The following TNKS variants were observed in gnomAD, a reference collection of about 807,000 sequenced individuals.
TNKS encodes the protein poly [ADP-ribose] polymerase tankyrase-1.
A neutral mutation model predicts 135.8 loss-of-function variants in TNKS; 72 were observed. That is an observed-to-expected ratio of 0.53 (90% CI 0.44 to 0.64). The LOEUF (loss-of-function observed/expected upper bound fraction) is 0.64, where lower values mean the gene tolerates loss of function less well. TNKS is among the 30% of genes least tolerant of loss of function. The probability of loss-of-function intolerance (pLI) is 0.00; values close to 1 mark genes in which losing one functional copy is unlikely to be tolerated. For missense variants in TNKS, 1,769 were observed against 1,674.0 expected (o/e 1.06, Z -0.99); for synonymous variants, 849 against 649.3 (o/e 1.31, Z -4.68).
chr8:9,740,490 C>A (rs1805884505), intron 17 of TNKS, among the ~76,000 whole-genome samples: 1 of 152,088 alleles, frequency 6.6e-6, no homozygotes. Context: ...TTTACAAAGA[C>A]CTGTATTTCA....
At position 9,748,134 on chromosome 8, in the gene TNKS, G is replaced by C. The variant is rs775670420; in HGVS notation, c.2754G>C (p.Leu918=). ...HEAAQKGRTQ[L]CALLLAHGAD... The stretch of plus-strand genomic sequence containing the variant: ...CAGCCCAGAAAGGAAGGACGCAGCT[G>C]TGCGCCCTCCTCCTAGCGCATGGTG... Residue 918 remains leucine (L), a synonymous_variant, in exon 18 of 27, where the codon CTG becomes CTC. Coordinates refer to ENST00000310430, the MANE Select transcript of TNKS (RefSeq NM_003747.3). The C allele has an allele frequency of 2.5e-5, 40 of 1,614,026 alleles. 1 individual carries two copies. The South Asian group carries it at 4.1e-4, about 16-fold the overall frequency.
rs187508375 is a variant in TNKS, at chr8:9,618,032, G to T, written c.994+2355G>T. On this transcript the variant is annotated intron_variant, in intron 3 of 26. Coordinates refer to ENST00000310430, the MANE Select transcript of TNKS (RefSeq NM_003747.3). ...GATGGAGTTTTGCTCTGTTGCCCAGGCTAGAGTTCAGTGGAACGATCTCAG... is the reference window on the plus strand; with the variant it reads ...GATGGAGTTTTGCTCTGTTGCCCAGTCTAGAGTTCAGTGGAACGATCTCAG... 2.5e-3 allele frequency among the ~76,000 whole-genome samples: 356 copies of T among 143,406 alleles called. 2 individuals carry two copies. Among genetic ancestry groups the T allele is most frequent in the African/African-American group, 7.5e-3 (292 of 38,894 alleles). The allele number at this position is 143,406 out of a possible 152,430, so 94.1% of individuals were successfully genotyped here. A position where few individuals can be genotyped will look rare whatever the true frequency, so the allele number is the denominator to read the frequency against.
At chr8:9,775,537 T>C (rs1326639424) in intron 26 of TNKS, among the ~76,000 whole-genome samples, 1 of 143,438 alleles carries the variant, frequency 7.0e-6, no homozygotes, top group African/African-American at 2.5e-5. Context: ...GTTTTTTTGT[T>C]ATTTTTAAAG....
At chr8:9,766,513 T>G in intron 25 of TNKS, 88 bp downstream of exon 25, 43 of 1,077,126 alleles carry the variant, frequency 4.0e-5, no homozygotes, top group Non-Finnish European at 5.2e-5. Flanking sequence ...TGAGATGAAG[T>G]CTTGCTCTTG....
chr8:9,740,464 C>T (rs778403732), intron 17 of TNKS, among the ~76,000 whole-genome samples: 26 of 152,148 alleles, frequency 1.7e-4, no homozygotes, highest in African/African-American at 2.2e-4. Context: ...ATGAGACTGT[C>T]GTCTCTCAGA....
At chr8:9,636,559 T>G (rs1449969210) in intron 3 of TNKS, among the ~76,000 whole-genome samples, 2 of 152,218 alleles carry the variant, frequency 1.3e-5, no homozygotes. Context: ...AGGCCTCATT[T>G]CAGATCAGAG....
chr8:9,660,213 C>A (rs200393141), intron 3 of TNKS, among the ~76,000 whole-genome samples: 1 of 152,086 alleles, frequency 6.6e-6, no homozygotes, highest in Non-Finnish European at 1.5e-5. Context: ...TAGAAAAAGA[C>A]GGAATCCTCC....
chr8:9,669,910 A>T (rs575861640), intron 3 of TNKS, among the ~76,000 whole-genome samples: 11 of 152,212 alleles, frequency 7.2e-5, no homozygotes, highest in Admixed American at 5.2e-4. Context: ...AAAAGGCTAT[A>T]AAAAGGGCTA....
chr8:9,561,572 G>A, intron 1 of TNKS, among the ~76,000 whole-genome samples: 1 of 152,134 alleles, frequency 6.6e-6, no homozygotes. Context: ...TTCATTATAT[G>A]AATATGCTGC....
rs1454492300 is a variant in TNKS, at chr8:9,717,101, A to ATATT, written c.1750-3272_1750-3271insATTT. On this transcript the variant is annotated intron_variant, in intron 11 of 26. Transcript: ENST00000310430. Reference sequence around the variant, plus strand: ...TATATATATATATATATATATATATATTTTCAGGGAATTTGATTGTTTCTT... The same window carrying ATATT: ...TATATATATATATATATATATATATATATTTTTTCAGGGAATTTGATTGTTTCTT... 3.2e-4 allele frequency among the ~76,000 whole-genome samples: 38 copies of ATATT among 119,316 alleles called. 1 individual carries two copies. Among genetic ancestry groups the ATATT allele is most frequent in the South Asian group, 1.2e-3 (4 of 3,374 alleles). The allele number at this position is 119,316 out of a possible 152,430, so 78.3% of individuals were successfully genotyped here.
Position 9,649,166 on chromosome 8 carries a change from G to A in TNKS, c.995-30785G>A, listed in dbSNP as rs190402850. On this transcript the variant is annotated intron_variant, in intron 3 of 26. Coordinates refer to ENST00000310430, the MANE Select transcript of TNKS (RefSeq NM_003747.3). ...TATACTTGTTAGATTTTAAAAACAT[G>A]TTTCTTATCCCTGAAAGCAAGGCAG... Among the ~76,000 whole-genome samples the A allele has an allele frequency of 9.2e-5, 14 of 152,250 alleles. No individual in the cohort carries two copies. The East Asian group carries it at 2.1e-3, about 23-fold the overall frequency.
At chr8:9,669,436 AAAAAAAAAGAATGG>A (rs1193344428) in intron 3 of TNKS, among the ~76,000 whole-genome samples, 2 of 152,092 alleles carry the variant, frequency 1.3e-5, no homozygotes, top group East Asian at 3.9e-4. Flanking sequence ...AAAAAAAAAA[AAAAAAAAAGAATGG>A]AAAAAAGAAA....
At chr8:9,628,913 C>G (rs939393965) in intron 3 of TNKS, among the ~76,000 whole-genome samples, 1 of 152,192 alleles carries the variant, frequency 6.6e-6, no homozygotes. Flanking sequence ...AATATTACCA[C>G]AAGCTACCCG....
intron 26 of TNKS, among the ~76,000 whole-genome samples, chr8:9,773,524 A>G (rs894199617): frequency 1.3e-5 from 2 of 152,202 alleles, no homozygotes; most frequent in Admixed American, 6.5e-5. Context: ...TGTTTTAAAT[A>G]TAAGTTATCT....
At chr8:9,603,529 C>G (rs1187029749) in intron 2 of TNKS, among the ~76,000 whole-genome samples, 1 of 152,218 alleles carries the variant, frequency 6.6e-6, no homozygotes, top group African/African-American at 2.4e-5. Context: ...TAAGACCACA[C>G]AACCATTACT....
At chr8:9,680,670 A>T in intron 4 of TNKS, 55 bp from the exon 5 acceptor site, 1 of 1,280,134 alleles carries the variant, frequency 7.8e-7, no homozygotes, top group South Asian at 1.3e-5. Context: ...TTATGCATAA[A>T]TATTCATAAG....
At chr8:9,770,069 G>C in intron 25 of TNKS, 37 bp from the exon 26 acceptor site, 2 of 1,559,918 alleles carry the variant, frequency 1.3e-6, no homozygotes, top group East Asian at 4.5e-5. Context: ...AAGATTTAAA[G>C]CTTCCTTCAA....
At chr8:9,686,472 G>A (rs1307050965) in intron 5 of TNKS, among the ~76,000 whole-genome samples, 1 of 152,148 alleles carries the variant, frequency 6.6e-6, no homozygotes, top group East Asian at 1.9e-4. Flanking sequence ...GGTTTGTTAT[G>A]TAGTAATAGA....
At position 9,730,937 on chromosome 8, in the gene TNKS, G is replaced by C. The variant is rs1182630155; in HGVS notation, c.2049G>C (p.Arg683=). The part of the protein sequence containing the change: ...QNVNCRDLEG[R]HSTPLHFAAG... ...TGAATTGTAGAGACTTAGAGGGCCGGCATTCCACGCCCTTACACTTCGCAG... is the reference window on the plus strand; with the variant it reads ...TGAATTGTAGAGACTTAGAGGGCCGCCATTCCACGCCCTTACACTTCGCAG... The change falls in exon 14 of 27, where the codon CGG becomes CGC. Residue 683 remains arginine (R), a synonymous_variant. Transcript: ENST00000310430. The C allele has an allele frequency of 1.2e-6, 2 of 1,613,962 alleles. No individual in the cohort carries two copies. Among genetic ancestry groups the C allele is most frequent in the Non-Finnish European group, 1.7e-6 (2 of 1,179,946 alleles).
Sources: gnomAD v4.1 joint callset for allele counts (sites outside exome capture counted in the v4.1 genomes callset) on GRCh38, gnomAD v4.1.1 for gene constraint, MANE v1.5 for transcripts, NCBI Gene and HGNC (gene_info 2026-07-23, HGNC 2026-07-21) for gene names.